The following IGF2BP1 variants were observed in gnomAD, a reference collection of about 807,000 sequenced individuals.
The protein encoded by IGF2BP1 is insulin like growth factor 2 mRNA binding protein 1, also known as insulin-like growth factor 2 mRNA-binding protein 1.
In IGF2BP1, 11 loss-of-function variants were observed where a neutral mutation model predicts 74.9. That is an observed-to-expected ratio of 0.15 (90% CI 0.09 to 0.24). The LOEUF (loss-of-function observed/expected upper bound fraction) is 0.24, where lower values mean the gene tolerates loss of function less well. IGF2BP1 is among the 10% of genes least tolerant of loss of function. IGF2BP1 has a pLI of 1.00. For missense variants in IGF2BP1, 440 were observed against 757.4 expected, an observed-to-expected ratio of 0.58 and a Z score of 4.92; for synonymous variants, 287 against 281.8, an observed-to-expected ratio of 1.02 and a Z score of -0.18.
intron 5 of IGF2BP1, chr17:49,037,352 G>A: frequency 2.0e-6 from 1 of 503,556 alleles, no homozygotes; most frequent in Non-Finnish European, 3.7e-6. Context: ...AATGCAAAAT[G>A]GAATACCTGA....
At chr17:49,029,121 T>C (rs745544017) in intron 4 of IGF2BP1, among the ~76,000 whole-genome samples, 4 of 152,124 alleles carry the variant, frequency 2.6e-5, no homozygotes, top group Non-Finnish European at 5.9e-5. Context: ...GATTTATATT[T>C]TTCCATAGCA....
chr17:49,026,635 GCCTTCC>G (rs2041858015), intron 4 of IGF2BP1, 118 bp downstream of exon 4: 1 of 417,702 alleles, frequency 2.4e-6, no homozygotes. Context: ...CTTCCTTCCT[GCCTTCC>G]TTCCTGCCTG....
At chr17:48,999,714 A>AC (rs1049307820) in intron 2 of IGF2BP1, among the ~76,000 whole-genome samples, 11 of 147,068 alleles carry the variant, frequency 7.5e-5, no homozygotes, top group South Asian at 2.2e-4. Flanking sequence ...TTTTCCATGG[A>AC]CCCCCCACCC....
intron 2 of IGF2BP1, among the ~76,000 whole-genome samples, chr17:49,018,898 A>G (rs1323761340): frequency 6.6e-6 from 1 of 152,102 alleles, no homozygotes; most frequent in Non-Finnish European, 1.5e-5. Context: ...TGAAGGTTCT[A>G]ATCTGAAGAT....
chr17:49,003,281 T>C (rs147884318), intron 2 of IGF2BP1, among the ~76,000 whole-genome samples: 99 of 152,340 alleles, frequency 6.5e-4, no homozygotes, highest in Non-Finnish European at 1.1e-3. Flanking sequence ...TGGGTACTTT[T>C]AAGGCTTACT....
chr17:49,032,003 C>CG (rs2041926740), intron 5 of IGF2BP1, 30 bp downstream of exon 5: 2 of 872,368 alleles, frequency 2.3e-6, no homozygotes, highest in Non-Finnish European at 3.7e-6. Context: ...GGGCTGGGTG[C>CG]GGTGGGGGGG....
rs1291878749 is a variant in IGF2BP1 at position 49,054,935 on chromosome 17, A to C, written c.*5491A>C. On this transcript the variant is annotated 3_prime_UTR_variant, in exon 15 of 15. Coordinates refer to ENST00000290341, the MANE Select transcript of IGF2BP1 (RefSeq NM_006546.4). The stretch of plus-strand genomic sequence containing the variant: ...CCGTCTTTGTAGTTGGGGGAGTTCC[A>C]CTGGGCGATCCCAGCCCCTCCCCAC... The C allele has an allele frequency of 1.3e-5, 2 of 152,382 alleles. No individual in the cohort carries two copies. The highest frequency in any genetic ancestry group is 1.3e-4 in the Admixed American group (2 of 15,264). The allele number at this position is 152,382 out of a possible 1,614,324, so 9.4% of individuals were successfully genotyped here. A position where few individuals can be genotyped will look rare whatever the true frequency, so the allele number is the denominator to read the frequency against.
At position 49,055,736 on chromosome 17, in the gene IGF2BP1, G is replaced by T. The variant is rs567964176; in HGVS notation, c.*6292G>T. ...GAGCTTCCTCCCCTGAGGCAAAGTG[G>T]ATTTGTAAGCAGTTCTGAAACATCA... On this transcript the variant is annotated 3_prime_UTR_variant, in exon 15 of 15. Transcript: ENST00000290341. 4.9e-4 allele frequency: 193 copies of T among 397,168 alleles called. No homozygotes were observed. Among genetic ancestry groups the T allele is most frequent in the Non-Finnish European group, 7.8e-4 (176 of 225,368 alleles). The allele number at this position is 397,168 out of a possible 1,614,324, so 24.6% of individuals were successfully genotyped here.
chr17:49,045,007 C>T lies in IGF2BP1; in HGVS notation c.1337C>T (p.Thr446Ile), dbSNP rs2144143213. Residue 446 changes from threonine (T) to isoleucine (I), a missense_variant, in exon 12 of 15, where the codon ACA (threonine) becomes ATA (isoleucine). By Grantham distance (89) the Thr-to-Ile change is moderately conservative. This residue lies in a region of IGF2BP1 where 117 missense variants were observed against 237.2 expected (regional missense o/e 0.49). Coordinates refer to ENST00000290341, the MANE Select transcript of IGF2BP1 (RefSeq NM_006546.4). ...GCTTTTTAGATTGCACCACCCGAAACACCTGACTCCAAAGTTCGTATGGTT... is the reference window on the plus strand; with the variant it reads ...GCTTTTTAGATTGCACCACCCGAAATACCTGACTCCAAAGTTCGTATGGTT... ...SASIKIAPPE[T>I]PDSKVRMVII... 1 of 1,614,170 alleles carries T rather than the reference C, an allele frequency of 6.2e-7. No homozygotes were observed.
chr17:49,022,324 G>T (rs1316381976), intron 2 of IGF2BP1, among the ~76,000 whole-genome samples: 1 of 152,202 alleles, frequency 6.6e-6, no homozygotes, highest in Non-Finnish European at 1.5e-5. Context: ...AGGCCTGAAA[G>T]AAATTAGGTA....
At position 49,053,963 on chromosome 17, in the gene IGF2BP1, A is replaced by T. The variant is rs2144183168; in HGVS notation, c.*4519A>T. 1 of 152,824 alleles carries T rather than the reference A, an allele frequency of 6.5e-6. No homozygotes were observed. The allele number at this position is 152,824 out of a possible 1,614,324, so 9.5% of individuals were successfully genotyped here. ...AGTAATTGCAGGAAGATTGAAGAAAAATCCTCATCAATGCCAGGGGACATA... is the reference window on the plus strand; with the variant it reads ...AGTAATTGCAGGAAGATTGAAGAAATATCCTCATCAATGCCAGGGGACATA... On this transcript the variant is annotated 3_prime_UTR_variant, in exon 15 of 15. Coordinates refer to ENST00000290341, the MANE Select transcript of IGF2BP1 (RefSeq NM_006546.4).
At chr17:48,999,720 C>T (rs935535128) in intron 2 of IGF2BP1, among the ~76,000 whole-genome samples, 1 of 151,822 alleles carries the variant, frequency 6.6e-6, no homozygotes, top group African/African-American at 2.4e-5. Flanking sequence ...ATGGACCCCC[C>T]ACCCCCAATC....
intron 5 of IGF2BP1, among the ~76,000 whole-genome samples, chr17:49,034,992 TAAG>T (rs1011850465): frequency 6.6e-6 from 1 of 152,160 alleles, no homozygotes. Context: ...CAGTCTTGAA[TAAG>T]AAGAACAAGG....
At chr17:49,024,173 C>G (rs1296178449) in intron 2 of IGF2BP1, among the ~76,000 whole-genome samples, 1 of 136,534 alleles carries the variant, frequency 7.3e-6, no homozygotes. Context: ...TCAAGTGATT[C>G]GCCTGCCTCA....
chr17:49,006,011 G>A (rs1216784059), intron 2 of IGF2BP1, among the ~76,000 whole-genome samples: 4 of 152,114 alleles, frequency 2.6e-5, no homozygotes, highest in African/African-American at 9.7e-5. Flanking sequence ...GCAGTGAGCC[G>A]AGATCGCACC....
intron 8 of IGF2BP1, among the ~76,000 whole-genome samples, 199 bp from the exon 9 acceptor site, chr17:49,042,043 G>C (rs1311021640): frequency 2.6e-5 from 4 of 152,210 alleles, no homozygotes; most frequent in African/African-American, 9.6e-5. Context: ...GTTAGGTGTT[G>C]GCATCTCCCT....
intron 5 of IGF2BP1, among the ~76,000 whole-genome samples, chr17:49,035,559 T>G (rs988529126): frequency 1.3e-5 from 2 of 152,188 alleles, no homozygotes; most frequent in African/African-American, 4.8e-5. Context: ...GTGGGTAGGC[T>G]GGGACCTCGC....
chr17:49,040,124 T>C (rs762087142), intron 7 of IGF2BP1, 33 bp downstream of exon 7: 3 of 1,612,438 alleles, frequency 1.9e-6, no homozygotes, highest in Non-Finnish European at 2.5e-6. Flanking sequence ...ATCTTCAGGG[T>C]CTGCTAGTCC....
At chr17:49,004,323 C>G (rs894918244) in intron 2 of IGF2BP1, among the ~76,000 whole-genome samples, 2 of 142,700 alleles carry the variant, frequency 1.4e-5, no homozygotes, top group African/African-American at 4.9e-5. Flanking sequence ...GGGCTGCGGG[C>G]TGCAGACCCT....
Sources: gnomAD v4.1 joint callset for allele counts (sites outside exome capture counted in the v4.1 genomes callset) on GRCh38, gnomAD v4.1.1 for gene constraint, gnomAD v4.1.1 regional missense constraint, MANE v1.5 for transcripts, NCBI Gene and HGNC (gene_info 2026-07-23, HGNC 2026-07-21) for gene names.